Variants in DTNB observed in about 807,000 individuals in gnomAD.
DTNB encodes DTN-B.
A neutral mutation model predicts 90.7 loss-of-function variants in DTNB; 63 were observed. That is an observed-to-expected ratio of 0.69 (90% CI 0.57 to 0.86). The LOEUF (loss-of-function observed/expected upper bound fraction) is 0.86. DTNB is among the 40% of genes least tolerant of loss of function. DTNB has a pLI of 0.00. For missense variants in DTNB, 744 were observed against 807.1 expected, an observed-to-expected ratio of 0.92 and a Z score of 0.95; for synonymous variants, 277 against 286.7, an observed-to-expected ratio of 0.97 and a Z score of 0.34.
intron 9 of DTNB, among the ~76,000 whole-genome samples, chr2:25,503,522 T>C (rs1268179672): frequency 4.6e-5 from 7 of 151,942 alleles, no homozygotes; most frequent in African/African-American, 1.5e-4. Flanking sequence ...AGCAAAACTA[T>C]TAGAGTTAAT....
chr2:25,543,462 G>A (rs1182856235), intron 8 of DTNB, among the ~76,000 whole-genome samples: 8 of 151,852 alleles, frequency 5.3e-5, no homozygotes, highest in African/African-American at 9.7e-5. Context: ...GCGCCACCAC[G>A]CCCAGCTAAT....
At chr2:25,597,520 A>G (rs1005218151) in intron 5 of DTNB, among the ~76,000 whole-genome samples, 1 of 152,204 alleles carries the variant, frequency 6.6e-6, no homozygotes, top group South Asian at 2.1e-4. Flanking sequence ...CACTAATTAA[A>G]GAAAGATAAA....
intron 1 of DTNB, among the ~76,000 whole-genome samples, chr2:25,658,860 G>A (rs1478410939): frequency 6.6e-6 from 1 of 152,220 alleles, no homozygotes; most frequent in Non-Finnish European, 1.5e-5. Context: ...GACACTATGT[G>A]TTTGTCAACA....
chr2:25,488,775 C>T (rs889814232), intron 9 of DTNB, among the ~76,000 whole-genome samples: 5 of 152,126 alleles, frequency 3.3e-5, no homozygotes, highest in African/African-American at 1.2e-4. Flanking sequence ...CTCACCCTCC[C>T]GAGTAGCTGG....
intron 9 of DTNB, among the ~76,000 whole-genome samples, chr2:25,525,647 G>C (rs1338437723): frequency 6.7e-6 from 1 of 149,170 alleles, no homozygotes; most frequent in Non-Finnish European, 1.5e-5. Flanking sequence ...AAAAAAAAAA[G>C]AAAAAAAAAT....
At chr2:25,441,979 T>G (rs1259214450) in intron 12 of DTNB, among the ~76,000 whole-genome samples, 1 of 152,216 alleles carries the variant, frequency 6.6e-6, no homozygotes, top group Non-Finnish European at 1.5e-5. Flanking sequence ...TTTTTTCCTC[T>G]TAACTTATTC....
chr2:25,474,010 A>G (rs2063296799), intron 10 of DTNB, among the ~76,000 whole-genome samples: 1 of 152,188 alleles, frequency 6.6e-6, no homozygotes, highest in African/African-American at 2.4e-5. Flanking sequence ...GAAACAAACT[A>G]TTAGTTATTA....
intron 9 of DTNB, 132 bp from the exon 10 acceptor site, chr2:25,483,005 G>C (rs1236888168): frequency 1.1e-5 from 10 of 924,808 alleles, no homozygotes; most frequent in African/African-American, 1.8e-5. Flanking sequence ...CATGGGGAGG[G>C]GGGGGACCCA....
At chr2:25,617,747 A>G (rs2071176920) in intron 4 of DTNB, among the ~76,000 whole-genome samples, 1 of 152,062 alleles carries the variant, frequency 6.6e-6, no homozygotes, top group Non-Finnish European at 1.5e-5. Context: ...GTGTGGTGAT[A>G]CGCGCCTGTA....
intron 16 of DTNB, among the ~76,000 whole-genome samples, chr2:25,397,696 A>G (rs764737777): frequency 2.6e-5 from 4 of 152,148 alleles, no homozygotes; most frequent in Admixed American, 2.0e-4. Flanking sequence ...CCTGGCCAAC[A>G]TGGCGAAACC....
intron 4 of DTNB, among the ~76,000 whole-genome samples, chr2:25,615,409 A>G (rs1242770118): frequency 1.3e-5 from 2 of 152,138 alleles, no homozygotes; most frequent in Non-Finnish European, 1.5e-5. Flanking sequence ...AGTGGGGCTT[A>G]AAGTCCCAAC....
intron 14 of DTNB, among the ~76,000 whole-genome samples, chr2:25,430,019 G>A (rs1348714831): frequency 6.6e-6 from 1 of 151,994 alleles, no homozygotes; most frequent in Non-Finnish European, 1.5e-5. Context: ...TACTTTTCAT[G>A]GTCTAGCTCA....
At chr2:25,555,637 C>T (rs1430539188) in intron 8 of DTNB, among the ~76,000 whole-genome samples, 3 of 152,102 alleles carry the variant, frequency 2.0e-5, no homozygotes, top group African/African-American at 7.2e-5. Flanking sequence ...ATTATATATA[C>T]TGCTATGTAA....
At chr2:25,502,692 G>A (rs2071051290) in intron 9 of DTNB, among the ~76,000 whole-genome samples, 1 of 151,704 alleles carries the variant, frequency 6.6e-6, no homozygotes. Context: ...GACCATCCTG[G>A]CTAACACGTT....
intron 1 of DTNB, among the ~76,000 whole-genome samples, chr2:25,662,385 C>A (rs1238051196): frequency 6.6e-6 from 1 of 152,048 alleles, no homozygotes; most frequent in Non-Finnish European, 1.5e-5. Context: ...CGAGATGGAT[C>A]AATTTCACAA....
At chr2:25,568,354 T>C (rs1189078637) in intron 8 of DTNB, among the ~76,000 whole-genome samples, 1 of 151,672 alleles carries the variant, frequency 6.6e-6, no homozygotes. Context: ...TAATAGGAGC[T>C]TGGGAGGGAG....
chr2:25,421,087 G>A (rs974955822), intron 15 of DTNB: 1 of 152,194 alleles, frequency 6.6e-6, no homozygotes, highest in African/African-American at 2.4e-5. Flanking sequence ...AATTCATGCA[G>A]CCAGTCTTTA....
intron 16 of DTNB, among the ~76,000 whole-genome samples, chr2:25,408,538 CAA>C (rs11395783): frequency 3.1e-5 from 1 of 32,724 alleles, no homozygotes; most frequent in African/African-American, 9.4e-5. Flanking sequence ...GACTCCATCT[CAA>C]AAAAAAAAAA....
At chr2:25,384,170 CCT>C (rs1207726090) in intron 18 of DTNB, among the ~76,000 whole-genome samples, 2 of 152,224 alleles carry the variant, frequency 1.3e-5, no homozygotes, top group Non-Finnish European at 2.9e-5. Context: ...GGGTTGCGTG[CCT>C]CTGTTCTATG....
Sources: gnomAD v4.1 joint callset for allele counts (sites outside exome capture counted in the v4.1 genomes callset) on GRCh38, gnomAD v4.1.1 for gene constraint, MANE v1.5 for transcripts, NCBI Gene and HGNC (gene_info 2026-07-23, HGNC 2026-07-21) for gene names.